KDM6A: variants seen among roughly 807,000 people sequenced by gnomAD.
The protein encoded by KDM6A is lysine-specific demethylase 6A.
A neutral mutation model predicts 117.6 loss-of-function variants in KDM6A; 11 were observed. The ratio of observed to expected loss-of-function variants is 0.09; its 90% CI spans 0.06 to 0.15. KDM6A has a LOEUF of 0.15. KDM6A is among the 10% of genes least tolerant of loss of function. The pLI is 1.00. For missense variants in KDM6A, 799 were observed against 1,077.3 expected, an observed-to-expected ratio of 0.74 and a Z score of 3.62; for synonymous variants, 384 against 396.1, an observed-to-expected ratio of 0.97 and a Z score of 0.36.
chrX:45,055,728 C>T (rs2044043116), intron 10 of KDM6A, among the ~76,000 whole-genome samples: 1 of 111,616 alleles, frequency 9.0e-6, no homozygotes, highest in Non-Finnish European at 1.9e-5. Flanking sequence ...AGGTCTGGAA[C>T]TGGGAAACAG....
intron 4 of KDM6A, among the ~76,000 whole-genome samples, chrX:44,977,136 A>G (rs2039651758): frequency 9.0e-6 from 1 of 111,671 alleles, no homozygotes; most frequent in South Asian, 3.7e-4. Flanking sequence ...TACCTAAGAA[A>G]TCTTTGCCTA....
intron 12 of KDM6A, among the ~76,000 whole-genome samples, chrX:45,059,701 C>G (rs1373626147): frequency 8.9e-6 from 1 of 111,837 alleles, no homozygotes; most frequent in Non-Finnish European, 1.9e-5. Flanking sequence ...TATTAATTTA[C>G]ATAATTTTTT....
Position 45,063,426 on chromosome X carries a change from G to C in KDM6A, c.1688G>C (p.Arg563Thr). The C allele has an allele frequency of 8.3e-7, 1 of 1,204,048 alleles. No individual in the cohort carries two copies. ...TTTCCTTTGTTTTTTTGACAGATGA[G>C]ACCAACAGGAGTTGCACAGGTACGA... Reference protein sequence around the residue: ...QFVLMQQHQMRPTGVAQVRST... With the variant: ...QFVLMQQHQMTPTGVAQVRST... The change falls in exon 17 of 30, where the codon AGA becomes ACA. Residue 563 changes from arginine to threonine, a missense_variant. By Grantham distance (71) the Arg-to-Thr change is moderately conservative. Coordinates refer to ENST00000611820, the MANE Select transcript of KDM6A (RefSeq NM_001291415.2).
intron 25 of KDM6A, among the ~76,000 whole-genome samples, chrX:45,086,847 T>G (rs953960128): frequency 8.9e-6 from 1 of 111,976 alleles, no homozygotes; most frequent in African/African-American, 3.2e-5. Context: ...CATTAGCAAA[T>G]TAGTATAGGA....
chrX:44,965,950 C>T (rs1462773797), intron 3 of KDM6A, among the ~76,000 whole-genome samples: 1 of 110,966 alleles, frequency 9.0e-6, no homozygotes, highest in Admixed American at 9.6e-5. Flanking sequence ...TTTATTGCTG[C>T]ACCTTTATGT....
intron 26 of KDM6A, 23 bp from the exon 27 acceptor site, chrX:45,090,700 A>G (rs750651870): frequency 8.3e-7 from 1 of 1,206,376 alleles, no homozygotes; most frequent in East Asian, 3.0e-5. Flanking sequence ...GGGTTGCTTT[A>G]TAACTGTTTT....
intron 4 of KDM6A, among the ~76,000 whole-genome samples, chrX:45,009,009 A>G (rs1303516014): frequency 1.8e-5 from 2 of 112,069 alleles, no homozygotes; most frequent in Admixed American, 1.9e-4. Flanking sequence ...AATGCACAAT[A>G]TAATTTTAGG....
chrX:45,038,593 T>TG (rs746935636), intron 8 of KDM6A, among the ~76,000 whole-genome samples: 6,596 of 91,535 alleles, frequency 0.072, 204 homozygotes, highest in African/African-American at 0.1. Context: ...ATAACACATT[T>TG]GGGGGGGGGT....
At chrX:44,980,380 A>C (rs1434765661) in intron 4 of KDM6A, among the ~76,000 whole-genome samples, 2 of 110,927 alleles carry the variant, frequency 1.8e-5, no homozygotes, top group Non-Finnish European at 3.8e-5. Context: ...GAAACGGTAT[A>C]ATTCAGTATA....
intron 6 of KDM6A, among the ~76,000 whole-genome samples, chrX:45,028,702 T>C (rs1389658062): frequency 1.8e-5 from 2 of 112,093 alleles, no homozygotes; most frequent in African/African-American, 3.2e-5. Flanking sequence ...CTTTACCAAT[T>C]TCCTAGATAA....
intron 2 of KDM6A, among the ~76,000 whole-genome samples, chrX:44,911,038 C>T (rs1445662115): frequency 1.8e-5 from 2 of 109,240 alleles, no homozygotes; most frequent in African/African-American, 6.7e-5. Context: ...GGGTGGCGGC[C>T]GGGCAGAGGG....
chrX:44,981,135 C>G lies in KDM6A; in HGVS notation c.384+6420C>G, dbSNP rs750636356. On this transcript the variant is annotated intron_variant, in intron 4 of 29. Coordinates refer to ENST00000611820, the MANE Select transcript of KDM6A (RefSeq NM_001291415.2). ...TGGCAAGCAATCAGTTCTGCAGTGGCTGCTGGTGTCCTCTAATTCAGTTCA... is the reference window on the plus strand; with the variant it reads ...TGGCAAGCAATCAGTTCTGCAGTGGGTGCTGGTGTCCTCTAATTCAGTTCA... Among the ~76,000 whole-genome samples, 10 of 111,783 alleles carry G rather than the reference C, an allele frequency of 8.9e-5. No individual in the cohort carries two copies. The South Asian group carries it at 3.7e-3, about 42-fold the overall frequency.
chrX:45,047,307 T>G (rs997597753), intron 8 of KDM6A, among the ~76,000 whole-genome samples: 4 of 109,474 alleles, frequency 3.7e-5, no homozygotes, highest in Admixed American at 9.8e-5. Context: ...TTTTCTCTTC[T>G]TCTCGGACTC....
chrX:44,939,192 G>A (rs2037149596), intron 2 of KDM6A, among the ~76,000 whole-genome samples: 1 of 112,100 alleles, frequency 8.9e-6, no homozygotes, highest in African/African-American at 3.2e-5. Context: ...TCATGGATCT[G>A]GGCAAAGTAA....
chrX:45,056,766 T>G (rs767659828), intron 10 of KDM6A, among the ~76,000 whole-genome samples: 2 of 111,722 alleles, frequency 1.8e-5, no homozygotes, highest in Non-Finnish European at 3.8e-5. Flanking sequence ...GGCACATTGG[T>G]TTCCTACTTT....
chrX:45,085,714 T>A, intron 24 of KDM6A, 151 bp from the exon 25 acceptor site: 1 of 450,142 alleles, frequency 2.2e-6, no homozygotes, highest in Non-Finnish European at 3.9e-6. Context: ...ACTACTAGAG[T>A]GTTCTCTGTT....
chrX:45,032,395 C>A (rs1450502357), intron 6 of KDM6A, among the ~76,000 whole-genome samples: 2 of 111,486 alleles, frequency 1.8e-5, no homozygotes. Flanking sequence ...TTATCCCTAC[C>A]CCGGTTCTTC....
intron 2 of KDM6A, among the ~76,000 whole-genome samples, chrX:44,891,727 C>A (rs2033381142): frequency 8.9e-6 from 1 of 111,995 alleles, no homozygotes; most frequent in African/African-American, 3.2e-5. Flanking sequence ...GACGCGTCCA[C>A]CCTACTGCCG....
At chrX:44,929,360 C>T (rs1338223501) in intron 2 of KDM6A, among the ~76,000 whole-genome samples, 2 of 107,629 alleles carry the variant, frequency 1.9e-5, no homozygotes, top group African/African-American at 6.8e-5. Context: ...GATTGGCTTT[C>T]TACCACGTTA....
Sources: allele counts gnomAD v4.1 joint callset (sites outside exome capture counted in the v4.1 genomes callset), GRCh38; gene constraint gnomAD v4.1.1; transcripts MANE v1.5; gene names NCBI Gene and HGNC (gene_info 2026-07-23, HGNC 2026-07-21).